Variants in SGTB observed in about 807,000 individuals in gnomAD.
The protein encoded by SGTB is small glutamine rich tetratricopeptide repeat co-chaperone beta.
In SGTB, 19 loss-of-function variants were observed where a neutral mutation model predicts 43.9. The observed-to-expected ratio is 0.43, with a 90% CI of 0.30 to 0.63. The LOEUF (loss-of-function observed/expected upper bound fraction) is 0.63, where lower values mean the gene tolerates loss of function less well. Among genes scored for constraint, SGTB ranks in the 30% least tolerant of loss-of-function variants. The pLI is 0.12. For missense variants in SGTB, 304 were observed against 358.9 expected, an observed-to-expected ratio of 0.85 and a Z score of 1.24; for synonymous variants, 116 against 117.3, an observed-to-expected ratio of 0.99 and a Z score of 0.07.
rs1284010582 is a variant in SGTB at position 65,666,242 on chromosome 5, A to G, written c.*4004T>C. 1.3e-5 allele frequency: 2 copies of G among 152,244 alleles called. No homozygotes were observed. Among genetic ancestry groups the G allele is most frequent in the African/African-American group, 2.4e-5 (1 of 41,472 alleles). 9.4% of individuals were successfully genotyped at this position (152,244 alleles called of 1,614,324 possible). A position where few individuals can be genotyped will look rare whatever the true frequency, so the allele number is the denominator to read the frequency against. On this transcript the variant is annotated 3_prime_UTR_variant, in exon 11 of 11. Coordinates refer to ENST00000381007, the MANE Select transcript of SGTB (RefSeq NM_019072.3). ...ATGATGGTCACTTGGAATCTGCTCTATATTTTAATTATAGTCTCTTCTGTT... is the reference window on the plus strand; with the variant it reads ...ATGATGGTCACTTGGAATCTGCTCTGTATTTTAATTATAGTCTCTTCTGTT...
chr5:65,702,619 G>A (rs913000319), intron 5 of SGTB, among the ~76,000 whole-genome samples: 1 of 152,112 alleles, frequency 6.6e-6, no homozygotes, highest in Non-Finnish European at 1.5e-5. Context: ...GAGGGACAGG[G>A]GAGCTCTCCA....
At chr5:65,670,386 T>A in intron 10 of SGTB, 29 bp from the exon 11 acceptor site, 1 of 1,573,958 alleles carries the variant, frequency 6.4e-7, no homozygotes, top group Non-Finnish European at 8.7e-7. Context: ...GTGGTTTGAA[T>A]AGGGAATTGC....
At chr5:65,722,428 G>T (rs943195216), upstream of SGTB, 1 of 1,581,838 alleles carries the variant, frequency 6.3e-7, no homozygotes, top group Admixed American at 1.8e-5. Context: ...CCTCCAGCGC[G>T]CGGGTTAACC....
At chr5:65,676,626 A>G (rs1467849149) in intron 8 of SGTB, among the ~76,000 whole-genome samples, 3 of 152,176 alleles carry the variant, frequency 2.0e-5, no homozygotes, top group Non-Finnish European at 1.5e-5. Flanking sequence ...AACAGAATAT[A>G]CGTTCTTCTC....
Position 65,685,443 on chromosome 5 carries a change from T to C in SGTB, c.404A>G (p.Tyr135Cys). ...RAAAQSKLGH[Y>C]TDAIKDCEKA... ...TTCACAATCCTTTATCGCATCTGTG[T>C]AGTGACCTAATTTGCTCTGAGCAGC... Residue 135 changes from tyrosine to cysteine, a missense_variant, in exon 6 of 11, where the codon TAC (tyrosine) becomes TGC (cysteine). Tyr to Cys is a radical substitution (Grantham distance 194, BLOSUM62 -2). Coordinates refer to ENST00000381007, the MANE Select transcript of SGTB (RefSeq NM_019072.3). The C allele has an allele frequency of 6.2e-7, 1 of 1,614,164 alleles. No homozygotes were observed. The highest frequency in any genetic ancestry group is 8.5e-7 in the Non-Finnish European group (1 of 1,180,020).
chr5:65,679,617 C>CA (rs1757354905), intron 8 of SGTB, among the ~76,000 whole-genome samples: 1 of 151,432 alleles, frequency 6.6e-6, no homozygotes, highest in African/African-American at 2.4e-5. Flanking sequence ...AACTCTGTCT[C>CA]AAAAAACAAA....
intron 5 of SGTB, among the ~76,000 whole-genome samples, chr5:65,699,499 T>C (rs778289144): frequency 1.1e-4 from 17 of 152,222 alleles, no homozygotes; most frequent in Non-Finnish European, 2.5e-4. Flanking sequence ...AATTCATCCG[T>C]GTAACCAAAA....
At chr5:65,690,276 G>A (rs1005420902) in intron 5 of SGTB, among the ~76,000 whole-genome samples, 1 of 151,818 alleles carries the variant, frequency 6.6e-6, no homozygotes, top group African/African-American at 2.4e-5. Context: ...CTGTGTCTAC[G>A]AAAAATTTAA....
At chr5:65,720,583 C>T (rs1579893214) in intron 2 of SGTB, 125 bp downstream of exon 2, 10 of 1,084,474 alleles carry the variant, frequency 9.2e-6, no homozygotes, top group Non-Finnish European at 1.3e-5. Flanking sequence ...ATAGTCAGGC[C>T]TCTCCTCTTG....
intron 3 of SGTB, among the ~76,000 whole-genome samples, chr5:65,709,458 A>C (rs1420160763): frequency 6.6e-6 from 1 of 150,734 alleles, no homozygotes; most frequent in Non-Finnish European, 1.5e-5. Flanking sequence ...GGCTCACTGC[A>C]ATCTGCGCCT....
chr5:65,707,395 TACACACACACACACACACAC>T (rs35011866), intron 4 of SGTB, among the ~76,000 whole-genome samples: 1 of 133,658 alleles, frequency 7.5e-6, no homozygotes, highest in Non-Finnish European at 1.6e-5. Flanking sequence ...GCTGATTTTA[TACACACACACACACACACAC>T]ACACACACAC....
chr5:65,691,298 T>C (rs1005049614), intron 5 of SGTB, among the ~76,000 whole-genome samples: 2 of 152,066 alleles, frequency 1.3e-5, no homozygotes, highest in African/African-American at 4.8e-5. Context: ...AAATACATCC[T>C]CCACTGAAAA....
chr5:65,716,038 G>A (rs960882807), intron 2 of SGTB, among the ~76,000 whole-genome samples: 4 of 152,232 alleles, frequency 2.6e-5, no homozygotes, highest in African/African-American at 4.8e-5. Flanking sequence ...CCGAAGTACT[G>A]GGATTACAGG....
chr5:65,701,666 T>A (rs919202640), intron 5 of SGTB, among the ~76,000 whole-genome samples: 11 of 144,440 alleles, frequency 7.6e-5, no homozygotes, highest in African/African-American at 2.9e-4. Flanking sequence ...AGAGTCTCAC[T>A]CTGTCGCCCA....
intron 6 of SGTB, among the ~76,000 whole-genome samples, chr5:65,684,952 CA>C (rs1438575420): frequency 1.3e-5 from 2 of 152,094 alleles, no homozygotes; most frequent in African/African-American, 4.8e-5. Flanking sequence ...TGTTTTCCTT[CA>C]AAAAGCATCT....
At chr5:65,686,311 C>T (rs867043510) in intron 5 of SGTB, among the ~76,000 whole-genome samples, 2 of 152,108 alleles carry the variant, frequency 1.3e-5, no homozygotes, top group South Asian at 4.1e-4. Flanking sequence ...AGACCTGGTA[C>T]CCTTTGCATT....
At chr5:65,685,071 G>A (rs164644) in intron 6 of SGTB, among the ~76,000 whole-genome samples, 1,613 of 152,278 alleles carry the variant, frequency 0.011, 16 homozygotes, top group East Asian at 0.043. Flanking sequence ...ACATCAGCGA[G>A]TGGAAAGGTG....
At chr5:65,678,064 T>G (rs369034181) in intron 8 of SGTB, among the ~76,000 whole-genome samples, 15 of 152,288 alleles carry the variant, frequency 9.8e-5, no homozygotes, top group African/African-American at 3.6e-4. Flanking sequence ...ATTATCCCTA[T>G]ATGCAGATGA....
At chr5:65,722,283 G>A (rs1579895919), upstream of SGTB, 1 of 1,035,636 alleles carries the variant, frequency 9.7e-7, no homozygotes, top group Non-Finnish European at 1.3e-6. Context: ...AGGCCGGCTC[G>A]AGACTCCCGG....
Sources: allele counts gnomAD v4.1 joint callset (sites outside exome capture counted in the v4.1 genomes callset), GRCh38; gene constraint gnomAD v4.1.1; transcripts MANE v1.5; gene names NCBI Gene and HGNC (gene_info 2026-07-23, HGNC 2026-07-21).